Variants in LIPJ observed in about 807,000 individuals in gnomAD.
The protein encoded by LIPJ is lipase family member J.
A neutral mutation model predicts 39.8 loss-of-function variants in LIPJ; 33 were observed. That is an observed-to-expected ratio of 0.83 (90% CI 0.63 to 1.11). The LOEUF is 1.11. Among genes scored for constraint, LIPJ ranks in the 50% least tolerant of loss-of-function variants. LIPJ has a pLI of 0.00. For synonymous variants in LIPJ, 128 were observed against 139.2 expected (o/e 0.92, Z 0.57); for missense variants, 422 against 427.9 (o/e 0.99, Z 0.12).
downstream of LIPJ, among the ~76,000 whole-genome samples, chr10:88,610,458 A>C (rs1851734569): frequency 6.6e-6 from 1 of 152,184 alleles, no homozygotes; most frequent in Non-Finnish European, 1.5e-5. Flanking sequence ...CAATATTATT[A>C]AGATATCCAC....
At chr10:88,622,843 G>A in the LIPJ span, among the ~76,000 whole-genome samples, 3 of 152,164 alleles carry the variant, frequency 2.0e-5, no homozygotes, top group South Asian at 6.2e-4. Context: ...CACCCTGATG[G>A]CTGCATTGAC....
chr10:88,613,806 G>GTGTGTC, the LIPJ span, among the ~76,000 whole-genome samples: 1 of 34,922 alleles, frequency 2.9e-5, no homozygotes, highest in African/African-American at 1.1e-4. Context: ...ATATATGTGT[G>GTGTGTC]TGTGTGTGTG....
intron 8 of LIPJ, among the ~76,000 whole-genome samples, chr10:88,597,598 A>G (rs1057370502): frequency 1.3e-5 from 2 of 151,920 alleles, no homozygotes; most frequent in Non-Finnish European, 2.9e-5. Flanking sequence ...AAGAGAGCCA[A>G]TATAGACATT....
rs1851575120 is a variant in LIPJ, at chr10:88,603,849, CTT to C, written c.795+1203_795+1204del. 2.0e-5 allele frequency among the ~76,000 whole-genome samples: 3 copies of C among 151,992 alleles called. No individual in the cohort carries two copies. In the South Asian group the frequency reaches 6.2e-4, roughly 32 times the overall value. The stretch of plus-strand genomic sequence containing the variant: ...AAATTATTGAAAACATTTATTATAA[CTT>C]ATATTTAGGTAAGTTATACTTTCTT... On this transcript the variant is annotated intron_variant, in intron 9 of 10. Coordinates refer to ENST00000371939, the Ensembl canonical transcript of LIPJ.
chr10:88,605,311 A>G (rs1851624917), intron 9 of LIPJ, among the ~76,000 whole-genome samples: 1 of 152,006 alleles, frequency 6.6e-6, no homozygotes, highest in African/African-American at 2.4e-5. Context: ...CTCAGCGTTG[A>G]CCTCTGTTGA....
chr10:88,595,275 T>TA (rs1189154149), intron 6 of LIPJ, among the ~76,000 whole-genome samples: 2 of 151,776 alleles, frequency 1.3e-5, no homozygotes, highest in East Asian at 3.8e-4. Context: ...AATGCCTATC[T>TA]AATACATAAC....
the LIPJ span, among the ~76,000 whole-genome samples, chr10:88,617,560 GC>G: frequency 6.6e-6 from 1 of 152,126 alleles, no homozygotes; most frequent in South Asian, 2.1e-4. Context: ...GAAAAGAAGA[GC>G]TCATTAGTGA....
chr10:88,596,956 G>T lies in LIPJ; in HGVS notation c.723+20G>T. ...AATATGGTAAGAACAAGTTGTATTT[G>T]AAATATATATATTTTCCAATATTTG... On this transcript the variant is annotated intron_variant, in intron 8 of 10. Coordinates refer to ENST00000371939, the Ensembl canonical transcript of LIPJ. The T allele has an allele frequency of 7.8e-7, 1 of 1,287,314 alleles. No homozygotes were observed. Among genetic ancestry groups the T allele is most frequent in the Non-Finnish European group, 1.1e-6 (1 of 912,724 alleles). The allele number at this position is 1,287,314 out of a possible 1,614,324, so 79.7% of individuals were successfully genotyped here.
At chr10:88,605,262 T>A (rs1851622489) in intron 9 of LIPJ, among the ~76,000 whole-genome samples, 1 of 152,064 alleles carries the variant, frequency 6.6e-6, no homozygotes, top group Non-Finnish European at 1.5e-5. Context: ...TGAAGCATGG[T>A]GTTTTAGGCG....
chr10:88,621,795 C>T, the LIPJ span, among the ~76,000 whole-genome samples: 13 of 152,184 alleles, frequency 8.5e-5, no homozygotes, highest in African/African-American at 1.4e-4. Flanking sequence ...GTCAGTGTTC[C>T]GCTATTTTCT....
intron 9 of LIPJ, among the ~76,000 whole-genome samples, chr10:88,604,892 A>G (rs1851611238): frequency 1.3e-5 from 2 of 152,214 alleles, no homozygotes; most frequent in South Asian, 4.1e-4. Context: ...AAGTGAGTAT[A>G]GACAGAAGAG....
intron 9 of LIPJ, among the ~76,000 whole-genome samples, chr10:88,605,272 G>A (rs924695617): frequency 3.3e-5 from 5 of 152,122 alleles, no homozygotes; most frequent in East Asian, 1.9e-4. Context: ...TGTTTTAGGC[G>A]GGTGTTATCT....
At chr10:88,622,902 C>T in the LIPJ span, among the ~76,000 whole-genome samples, 1 of 152,112 alleles carries the variant, frequency 6.6e-6, no homozygotes, top group Non-Finnish European at 1.5e-5. Flanking sequence ...CCATTTTGTA[C>T]TAATCCAGAT....
At chr10:88,613,770 G>GTATATATATATATATATATA in the LIPJ span, among the ~76,000 whole-genome samples, 599 of 75,196 alleles carry the variant, frequency 8.0e-3, 14 homozygotes, top group Non-Finnish European at 0.014. Flanking sequence ...ATGTGTGTGT[G>GTATATATATATATATATATA]TATATATATA....
chr10:88,602,975 C>T (rs1396999194), intron 9 of LIPJ, among the ~76,000 whole-genome samples: 2 of 152,002 alleles, frequency 1.3e-5, no homozygotes, highest in Non-Finnish European at 2.9e-5. Flanking sequence ...GCCTGTAATT[C>T]CAGTTACTTG....
At chr10:88,606,945 TC>T in exon 11 of LIPJ, 1 of 1,405,018 alleles carries the variant, frequency 7.1e-7, no homozygotes, top group Non-Finnish European at 9.3e-7. Flanking sequence ...TCTACATCAT[TC>T]CTAATGAAAT....
At chr10:88,618,664 C>T in the LIPJ span, 2 of 153,884 alleles carry the variant, frequency 1.3e-5, no homozygotes, top group Admixed American at 1.3e-4. Flanking sequence ...ACCTCTGACC[C>T]TGATGACAAA....
the LIPJ span, among the ~76,000 whole-genome samples, chr10:88,615,552 T>C: frequency 1.4e-5 from 2 of 142,514 alleles, no homozygotes; most frequent in Non-Finnish European, 3.0e-5. Context: ...CACTTGAACC[T>C]GTGAGGCAGA....
intron 8 of LIPJ, among the ~76,000 whole-genome samples, chr10:88,601,784 C>A (rs1211182321): frequency 6.6e-6 from 1 of 152,028 alleles, no homozygotes; most frequent in East Asian, 1.9e-4. Flanking sequence ...TACATGATAC[C>A]TCTCTCTTCA....
Sources: gnomAD v4.1 joint callset for allele counts (sites outside exome capture counted in the v4.1 genomes callset) on GRCh38, gnomAD v4.1.1 for gene constraint, MANE v1.5 for transcripts, NCBI Gene and HGNC (gene_info 2026-07-23, HGNC 2026-07-21) for gene names.